Variants in CNTNAP5 observed in about 807,000 individuals in gnomAD.
The protein encoded by CNTNAP5 is contactin associated protein family member 5.
CNTNAP5 carries 72 observed loss-of-function variants against 150.2 expected under a neutral mutation model. The ratio of observed to expected loss-of-function variants is 0.48; its 90% CI spans 0.40 to 0.58. The LOEUF (loss-of-function observed/expected upper bound fraction) is 0.58, where lower values mean the gene tolerates loss of function less well. CNTNAP5 is among the 20% of genes least tolerant of loss of function. The pLI, the probability that CNTNAP5 is intolerant of heterozygous loss-of-function variation, is 0.00. For missense variants in CNTNAP5, 1,636 were observed against 1,626.2 expected (o/e 1.01, Z -0.10); for synonymous variants, 672 against 619.8 (o/e 1.08, Z -1.25).
chr2:124,062,940 T>G lies in CNTNAP5; in HGVS notation c.82+37208T>G, dbSNP rs1441579381. On this transcript the variant is annotated intron_variant, in intron 1 of 23. Transcript: ENST00000682447. ...TAGAGTCTGGGAGAGTATATCACAT[T>G]CATTCATTAGAGAATGTATCTAACT... is the stretch of plus-strand genomic sequence containing the variant. 9.2e-5 allele frequency among the ~76,000 whole-genome samples: 14 copies of G among 152,248 alleles called. No homozygotes were observed. The East Asian group carries it at 2.5e-3, about 27-fold the overall frequency.
At chr2:124,468,444 A>G (rs1001440854) in intron 6 of CNTNAP5, among the ~76,000 whole-genome samples, 2 of 152,080 alleles carry the variant, frequency 1.3e-5, no homozygotes, top group African/African-American at 4.8e-5. Flanking sequence ...AACACAGCAG[A>G]AAGAAGCAAG....
chr2:124,587,008 G>A (rs187076385), intron 11 of CNTNAP5, among the ~76,000 whole-genome samples: 127 of 152,320 alleles, frequency 8.3e-4, no homozygotes, highest in African/African-American at 3.0e-3. Context: ...GGACAAGTCA[G>A]AGTCCTGTTC....
chr2:124,272,707 A>G (rs748647674), intron 3 of CNTNAP5, among the ~76,000 whole-genome samples: 2 of 152,230 alleles, frequency 1.3e-5, no homozygotes, highest in Admixed American at 6.5e-5. Flanking sequence ...ATAAAATTAG[A>G]TAACAGTATC....
intron 21 of CNTNAP5, among the ~76,000 whole-genome samples, chr2:124,877,296 G>A (rs756505068): frequency 3.2e-4 from 49 of 152,110 alleles, no homozygotes; most frequent in Non-Finnish European, 3.2e-4. Context: ...ATTTTATATC[G>A]TCACTTGCCT....
chr2:124,324,006 G>A (rs1399562003), intron 3 of CNTNAP5, among the ~76,000 whole-genome samples: 1 of 152,042 alleles, frequency 6.6e-6, no homozygotes, highest in Non-Finnish European at 1.5e-5. Context: ...TTTGGGAAAA[G>A]TAGAGAGCAT....
intron 16 of CNTNAP5, among the ~76,000 whole-genome samples, chr2:124,765,194 T>C (rs1299305570): frequency 1.3e-5 from 2 of 152,138 alleles, no homozygotes; most frequent in Non-Finnish European, 2.9e-5. Context: ...TACTTCAGGA[T>C]TGATTCTAGA....
rs1018835974 is a variant in CNTNAP5 at position 124,917,986 on chromosome 2, A to G, written c.*3698A>G. 4.6e-5 allele frequency among the ~76,000 whole-genome samples: 7 copies of G among 152,106 alleles called. No individual in the cohort carries two copies. Among genetic ancestry groups the G allele is most frequent in the Admixed American group, 3.3e-4 (5 of 15,250 alleles). ...AAGCTGTTTTGTTTCTCCTCCTCAAAGTAGATATCTATCAATGCATATAGA... is the reference window on the plus strand; with the variant it reads ...AAGCTGTTTTGTTTCTCCTCCTCAAGGTAGATATCTATCAATGCATATAGA... On this transcript the variant is annotated 3_prime_UTR_variant, in exon 24 of 24. Coordinates refer to ENST00000682447, the MANE Select transcript of CNTNAP5 (RefSeq NM_001367498.1).
chr2:124,722,111 G>A (rs1680062139), intron 13 of CNTNAP5, among the ~76,000 whole-genome samples: 1 of 151,996 alleles, frequency 6.6e-6, no homozygotes, highest in Admixed American at 6.6e-5. Flanking sequence ...CACATTCTGA[G>A]GTCTTCAGGG....
Position 124,772,857 on chromosome 2 carries a change from C to T in CNTNAP5, c.2592C>T (p.Val864=). ...DVGNGPVELV[V]QSPSLLNDNQ... ...GGAATGGTCCTGTGGAGCTTGTAGT[C>T]CAGTCTCCTTCTCTTCTGAATGACA... Residue 864 remains valine, a synonymous_variant, in exon 17 of 24, where the codon GTC becomes GTT. Coordinates refer to ENST00000682447, the MANE Select transcript of CNTNAP5 (RefSeq NM_001367498.1). 1 of 1,613,676 alleles carries T rather than the reference C, an allele frequency of 6.2e-7. No individual in the cohort carries two copies. Among genetic ancestry groups the T allele is most frequent in the Non-Finnish European group, 8.5e-7 (1 of 1,179,700 alleles).
intron 5 of CNTNAP5, among the ~76,000 whole-genome samples, chr2:124,436,435 T>G (rs539736396): frequency 1.8e-4 from 28 of 152,328 alleles, no homozygotes; most frequent in African/African-American, 2.6e-4. Flanking sequence ...TTATGGTGGA[T>G]GTCTTCTGAG....
At chr2:124,461,159 C>T (rs1693240240) in intron 6 of CNTNAP5, among the ~76,000 whole-genome samples, 1 of 152,012 alleles carries the variant, frequency 6.6e-6, no homozygotes, top group Non-Finnish European at 1.5e-5. Context: ...CCATTTGACC[C>T]AGCCATCCCA....
At chr2:124,900,591 A>G (rs1678396129) in intron 21 of CNTNAP5, among the ~76,000 whole-genome samples, 1 of 151,434 alleles carries the variant, frequency 6.6e-6, no homozygotes, top group Admixed American at 6.6e-5. Context: ...ATTTCCCCCG[A>G]CTTATCAATG....
At chr2:124,571,520 C>CTTTT (rs1696152533) in intron 11 of CNTNAP5, among the ~76,000 whole-genome samples, 2 of 53,522 alleles carry the variant, frequency 3.7e-5, no homozygotes, top group African/African-American at 6.4e-5. Context: ...ACTTTTTTTT[C>CTTTT]TTTTTTCTTT....
chr2:124,546,423 G>A (rs1053886629), intron 10 of CNTNAP5, among the ~76,000 whole-genome samples: 17 of 152,014 alleles, frequency 1.1e-4, no homozygotes, highest in African/African-American at 3.9e-4. Context: ...GTGCAAGGGG[G>A]GAAGTCACTG....
At chr2:124,592,309 A>T (rs969741882) in intron 11 of CNTNAP5, among the ~76,000 whole-genome samples, 2 of 152,064 alleles carry the variant, frequency 1.3e-5, no homozygotes, top group African/African-American at 4.8e-5. Context: ...TTCCACATTT[A>T]GGATTTGTAT....
intron 1 of CNTNAP5, among the ~76,000 whole-genome samples, chr2:124,054,748 T>G (rs1056189257): frequency 6.6e-6 from 1 of 152,288 alleles, no homozygotes; most frequent in Non-Finnish European, 1.5e-5. Context: ...CTCAAGCCCC[T>G]TCCTGCTGTT....
chr2:124,295,845 G>A (rs1688415999), intron 3 of CNTNAP5, among the ~76,000 whole-genome samples: 1 of 152,162 alleles, frequency 6.6e-6, no homozygotes, highest in Admixed American at 6.5e-5. Context: ...TGCCATGGCA[G>A]TTACCATCAT....
intron 1 of CNTNAP5, among the ~76,000 whole-genome samples, chr2:124,188,604 A>G (rs1160303591): frequency 6.7e-6 from 1 of 150,256 alleles, no homozygotes; most frequent in Non-Finnish European, 1.5e-5. Flanking sequence ...CTGTAGTCCC[A>G]GCTACTTGGG....
chr2:124,826,951 T>A (rs1380198036), intron 19 of CNTNAP5, among the ~76,000 whole-genome samples: 1 of 152,080 alleles, frequency 6.6e-6, no homozygotes, highest in Non-Finnish European at 1.5e-5. Flanking sequence ...GACAGGGTCT[T>A]GTTCTGCCAC....
Sources: allele counts gnomAD v4.1 joint callset (sites outside exome capture counted in the v4.1 genomes callset), GRCh38; gene constraint gnomAD v4.1.1; transcripts MANE v1.5; gene names NCBI Gene and HGNC (gene_info 2026-07-23, HGNC 2026-07-21).